Variants in KDM2B observed in about 807,000 individuals in gnomAD.
KDM2B encodes the protein lysine demethylase 2B.
A neutral mutation model predicts 150.0 loss-of-function variants in KDM2B; 26 were observed. That is an observed-to-expected ratio of 0.17 (90% CI 0.13 to 0.24). KDM2B has a LOEUF of 0.24. KDM2B is among the 10% of genes least tolerant of loss of function. The pLI is 1.00. For synonymous variants in KDM2B, 734 were observed against 729.5 expected, an observed-to-expected ratio of 1.01 and a Z score of -0.10; for missense variants, 1,265 against 1,816.9, an observed-to-expected ratio of 0.70 and a Z score of 5.52.
intron 4 of KDM2B, among the ~76,000 whole-genome samples, chr12:121,558,314 G>A (rs1380183090): frequency 2.6e-5 from 4 of 152,120 alleles, no homozygotes; most frequent in African/African-American, 7.2e-5. Flanking sequence ...GTGGTTCTGG[G>A]TGGGCACGTG....
chr12:121,492,953 T>C (rs1883515136), intron 12 of KDM2B, among the ~76,000 whole-genome samples: 1 of 151,562 alleles, frequency 6.6e-6, no homozygotes, highest in African/African-American at 2.4e-5. Context: ...TGAAGTGCAG[T>C]GGTGCAATCA....
intron 6 of KDM2B, among the ~76,000 whole-genome samples, chr12:121,546,054 G>A (rs1889012038): frequency 6.6e-6 from 1 of 152,128 alleles, no homozygotes; most frequent in Non-Finnish European, 1.5e-5. Flanking sequence ...CTGGGGCACT[G>A]TGGGCCTCAT....
At chr12:121,544,852 G>T (rs1035727320) in intron 6 of KDM2B, among the ~76,000 whole-genome samples, 4 of 152,204 alleles carry the variant, frequency 2.6e-5, no homozygotes, top group African/African-American at 9.6e-5. Flanking sequence ...GGCGGAGGTT[G>T]CAGTGAGCCG....
chr12:121,551,867 T>A (rs1400109360), intron 4 of KDM2B, among the ~76,000 whole-genome samples: 1 of 152,066 alleles, frequency 6.6e-6, no homozygotes, highest in Non-Finnish European at 1.5e-5. Context: ...AGGGTTTCAT[T>A]AAGTTGCCCA....
In KDM2B at chr12:121,521,039, G is replaced by A. The variant is rs1555305838; in HGVS notation, c.993C>T (p.His331=). 6.2e-7 allele frequency: 1 copy of A among 1,614,100 alleles called. No homozygotes were observed. The highest frequency in any genetic ancestry group is 1.7e-5 in the Admixed American group (1 of 60,020). The change falls in exon 9 of 23, where the codon CAC becomes CAT. Residue 331 remains histidine (H), a synonymous_variant. Coordinates refer to ENST00000377071, the MANE Select transcript of KDM2B (RefSeq NM_032590.5). The surrounding 1 kb of genome is among the most constrained non-coding windows in gnomAD (Gnocchi z 4.9). The part of the protein sequence containing the change: ...DSLVFGGNIL[H]SFNVPMQLRI... Reference sequence around the variant, plus strand: ...GCAGCTGCATGGGCACGTTAAAGCTGTGCAGGATGTTTCCGCCGAACACCA... The same window carrying A: ...GCAGCTGCATGGGCACGTTAAAGCTATGCAGGATGTTTCCGCCGAACACCA...
At chr12:121,428,415 G>C (rs1195431076), downstream of KDM2B, among the ~76,000 whole-genome samples, 4 of 152,076 alleles carry the variant, frequency 2.6e-5, no homozygotes, top group African/African-American at 9.7e-5. Context: ...GGCTGGTCTT[G>C]AACTCCTGAC....
rs1172297660 is a variant in KDM2B, at chr12:121,429,347, GAGAGA to G, written c.*936_*940del. ...TGAGAACTCAACTCACACTTCAGAG[GAGAGA>G]AGCAAAAGCAAAAGAAAGGCTATGT... On this transcript the variant is annotated 3_prime_UTR_variant, in exon 23 of 23. Transcript: ENST00000377071. The G allele has an allele frequency of 6.5e-6, 1 of 152,718 alleles. No individual in the cohort carries two copies. The highest frequency in any genetic ancestry group is 1.5e-5 in the Non-Finnish European group (1 of 68,098). 9.5% of individuals were successfully genotyped at this position (152,718 alleles called of 1,614,324 possible). A position where few individuals can be genotyped will look rare whatever the true frequency, so the allele number is the denominator to read the frequency against.
intron 4 of KDM2B, among the ~76,000 whole-genome samples, chr12:121,557,231 A>ATTTTTTTTTTTTTTTT (rs142679491): frequency 9.6e-6 from 1 of 103,724 alleles, no homozygotes; most frequent in Non-Finnish European, 1.8e-5. Flanking sequence ...AGACAAGAGA[A>ATTTTTTTTTTTTTTTT]TTTTTTTTTT....
intron 6 of KDM2B, among the ~76,000 whole-genome samples, chr12:121,539,407 G>T (rs1888424309): frequency 6.6e-6 from 1 of 150,788 alleles, no homozygotes; most frequent in Admixed American, 6.6e-5. Flanking sequence ...CAGTCCTGAT[G>T]GCCGGACCAG....
At chr12:121,424,456 G>A (rs1872410074), downstream of KDM2B, 1 of 152,320 alleles carries the variant, frequency 6.6e-6, no homozygotes, top group African/African-American at 2.4e-5. Flanking sequence ...TGGGGGCCGG[G>A]TGCGGTGGCT....
At position 121,442,734 on chromosome 12, in the gene KDM2B, TGGG is replaced by T; in HGVS notation, c.2704_2706del (p.Pro902del). On this transcript the variant is annotated inframe_deletion, in exon 19 of 23. Transcript: ENST00000377071. The surrounding 1 kb of genome is among the most constrained non-coding windows in gnomAD (Gnocchi z 7.7). Reference sequence around the variant, plus strand: ...CGGGAGTGGTCGCTCTCCCTGGTCTTGGGGGGCGCCTCGGGCAGTTCGTCCTCG... The same window carrying T: ...CGGGAGTGGTCGCTCTCCCTGGTCTTGGGCGCCTCGGGCAGTTCGTCCTCG... The T allele has an allele frequency of 4.5e-6, 7 of 1,562,062 alleles. No homozygotes were observed. Among genetic ancestry groups the T allele is most frequent in the Non-Finnish European group, 6.0e-6 (7 of 1,158,256 alleles).
intron 12 of KDM2B, among the ~76,000 whole-genome samples, chr12:121,483,105 G>A (rs112080093): frequency 0.019 from 2,888 of 152,020 alleles, 95 homozygotes; most frequent in African/African-American, 0.066. Flanking sequence ...AGAGGCTGCA[G>A]TGAGCCAGGA....
At chr12:121,534,301 ATT>A (rs1887915745) in intron 7 of KDM2B, among the ~76,000 whole-genome samples, 194 bp downstream of exon 7, 1 of 151,346 alleles carries the variant, frequency 6.6e-6, no homozygotes, top group Non-Finnish European at 1.5e-5. Context: ...GTGAGCCGAG[ATT>A]GCACCACTGC....
chr12:121,416,315 A>G, the KDM2B span: 1 of 1,614,020 alleles, frequency 6.2e-7, no homozygotes, highest in Admixed American at 1.7e-5. Flanking sequence ...ACCAGCAGCT[A>G]CGGAAGGGCC....
Position 121,467,187 on chromosome 12 carries a change from C to T in KDM2B, c.1735-13843G>A, listed in dbSNP as rs1880129394. 1 of 1,116,974 alleles carries T rather than the reference C, an allele frequency of 9.0e-7. No homozygotes were observed. The highest frequency in any genetic ancestry group is 1.1e-6 in the Non-Finnish European group (1 of 896,132). The allele number at this position is 1,116,974 out of a possible 1,614,324, so 69.2% of individuals were successfully genotyped here. ...TCCGGCTCCGATTCATAGTCGTCGT[C>T]CTCGGCGCTCACGGACATGGCCATG... On this transcript the variant is annotated intron_variant, in intron 12 of 22. Transcript: ENST00000377071. This position sits in a 1 kb window ranked among gnomAD's most constrained non-coding sequence, Gnocchi z 5.1.
intron 11 of KDM2B, among the ~76,000 whole-genome samples, chr12:121,504,944 G>A (rs868941615): frequency 2.6e-5 from 4 of 151,904 alleles, no homozygotes; most frequent in Admixed American, 6.6e-5. Context: ...GTGAAACCCC[G>A]TCTCTACTAA....
At chr12:121,472,101 C>A (rs1419560802) in intron 12 of KDM2B, among the ~76,000 whole-genome samples, 1 of 152,146 alleles carries the variant, frequency 6.6e-6, no homozygotes, top group Non-Finnish European at 1.5e-5. Context: ...CCACCCTGGG[C>A]AACAGAGCAA....
chr12:121,573,624 G>A (rs1475229530), intron 4 of KDM2B, among the ~76,000 whole-genome samples: 5 of 141,636 alleles, frequency 3.5e-5, no homozygotes, highest in Non-Finnish European at 6.1e-5. Flanking sequence ...TCGCTCTGTC[G>A]CCCAGGCTGG....
intron 4 of KDM2B, among the ~76,000 whole-genome samples, chr12:121,560,694 T>C (rs1270560948): frequency 6.6e-6 from 1 of 152,026 alleles, no homozygotes; most frequent in Non-Finnish European, 1.5e-5. Flanking sequence ...TGGCCTGAGC[T>C]GAGAGATGAA....
Sources: allele counts gnomAD v4.1 joint callset (sites outside exome capture counted in the v4.1 genomes callset), GRCh38; gene constraint gnomAD v4.1.1; non-coding constraint Gnocchi (gnomAD v3.1); transcripts MANE v1.5; gene names NCBI Gene and HGNC (gene_info 2026-07-23, HGNC 2026-07-21).